The following WASHC2A variants were observed in gnomAD, a reference collection of about 807,000 sequenced individuals.
WASHC2A encodes WASH complex subunit 2A.
In WASHC2A, 82 loss-of-function variants were observed where a neutral mutation model predicts 140.3. The ratio of observed to expected loss-of-function variants is 0.58; its 90% confidence interval spans 0.49 to 0.70. The LOEUF is 0.70. Ranked by LOEUF, WASHC2A falls within the 30% of genes least tolerant of loss-of-function variation. The pLI is 0.00. For synonymous variants in WASHC2A, 340 were observed against 560.8 expected, an observed-to-expected ratio of 0.61 and a Z score of 5.56; for missense variants, 985 against 1,521.8, an observed-to-expected ratio of 0.65 and a Z score of 5.87.
Position 50,133,088 on chromosome 10 carries a change from T to TA in WASHC2A, c.*143_*144insA. 1 of 1,504,250 alleles carries TA rather than the reference T, an allele frequency of 6.6e-7. No homozygotes were observed. The highest frequency in any genetic ancestry group is 9.0e-7 in the Non-Finnish European group (1 of 1,107,982). 93.2% of individuals were successfully genotyped at this position (1,504,250 alleles called of 1,614,324 possible). ...TCGTTCACCCAATGTACTTGGTATT[T>TA]TTCTGCACTGGTTTAATCATGCTTA... On this transcript the variant is annotated 3_prime_UTR_variant, in exon 31 of 31. Transcript: ENST00000282633.
rs1589294240 is a variant in WASHC2A at position 50,130,800 on chromosome 10, C to T, written c.3709-101C>T. 6 of 1,567,502 alleles carry T rather than the reference C, an allele frequency of 3.8e-6. No individual in the cohort carries two copies. In the Middle Eastern group the frequency reaches 6.9e-4, roughly 181 times the overall value. ...AGTGGGCAGTCTCGAGGCTGTTCCA[C>T]ACACCCTGGCCAATTGTATTTCCAT... On this transcript the variant is annotated intron_variant, in intron 29 of 30. Coordinates refer to ENST00000282633, the MANE Select transcript of WASHC2A (RefSeq NM_001005751.3).
intron 3 of WASHC2A, among the ~76,000 whole-genome samples, chr10:50,077,347 T>G (rs1330077422): frequency 4.0e-5 from 6 of 151,708 alleles, no homozygotes; most frequent in South Asian, 2.1e-4. Context: ...ATATATGCAC[T>G]TGTTAGCTTA....
chr10:50,113,005 G>GA (rs1842409261), intron 20 of WASHC2A, among the ~76,000 whole-genome samples: 1 of 151,858 alleles, frequency 6.6e-6, no homozygotes, highest in Non-Finnish European at 1.5e-5. Context: ...GTATATTAAA[G>GA]AAAACATTGA....
At chr10:50,101,087 C>A (rs1215471360) in intron 17 of WASHC2A, among the ~76,000 whole-genome samples, 1 of 152,308 alleles carries the variant, frequency 6.6e-6, no homozygotes, top group Non-Finnish European at 1.5e-5. Flanking sequence ...AACATGGAAC[C>A]CTTTGGAAGT....
chr10:50,091,250 T>C (rs1839896758), intron 9 of WASHC2A, among the ~76,000 whole-genome samples, 181 bp from the exon 10 acceptor site: 1 of 151,096 alleles, frequency 6.6e-6, no homozygotes, highest in South Asian at 2.1e-4. Flanking sequence ...AGGAACATTT[T>C]ATGAGTCCTA....
intron 26 of WASHC2A, among the ~76,000 whole-genome samples, chr10:50,126,737 C>T (rs1172726155): frequency 5.9e-5 from 9 of 151,564 alleles, no homozygotes; most frequent in Non-Finnish European, 1.0e-4. Context: ...GGCACTTGGA[C>T]GAACACATCA....
At position 50,091,850 on chromosome 10, in the gene WASHC2A, C is replaced by T. The variant is rs1450194849; in HGVS notation, c.932-312C>T. 6.6e-5 allele frequency among the ~76,000 whole-genome samples: 10 copies of T among 152,204 alleles called. 1 individual carries two copies. In the South Asian group the frequency reaches 1.9e-3, roughly 28 times the overall value. On this transcript the variant is annotated intron_variant, in intron 10 of 30. Coordinates refer to ENST00000282633, the MANE Select transcript of WASHC2A (RefSeq NM_001005751.3). ...AATATTTACTCCTATATTTTGAACACGTAAGAATGTGCTATATAGCATATT... is the reference window on the plus strand; with the variant it reads ...AATATTTACTCCTATATTTTGAACATGTAAGAATGTGCTATATAGCATATT...
intron 16 of WASHC2A, among the ~76,000 whole-genome samples, chr10:50,098,949 T>A (rs1197931450): frequency 6.6e-6 from 1 of 151,046 alleles, no homozygotes; most frequent in Non-Finnish European, 1.5e-5. Flanking sequence ...CCCACCACAC[T>A]GCTTCATTGG....
At position 50,103,307 on chromosome 10, in the gene WASHC2A, C is replaced by A. The variant is rs1367291243; in HGVS notation, c.1636-735C>A. Among the ~76,000 whole-genome samples the A allele has an allele frequency of 3.3e-5, 5 of 151,324 alleles. No homozygotes were observed. In the East Asian group the frequency reaches 5.8e-4, roughly 18 times the overall value. On this transcript the variant is annotated intron_variant, in intron 17 of 30. Transcript: ENST00000282633. The stretch of plus-strand genomic sequence containing the variant: ...GGGTGTGGTGGCTCAAGCCTGTAAT[C>A]CCAGCACTTGTGGAAGCCGAGGCGG...
chr10:50,118,028 T>G lies in WASHC2A; in HGVS notation c.2265T>G (p.Phe755Leu). Residue 755 changes from phenylalanine (F) to leucine (L), a missense_variant, in exon 22 of 31, where the codon TTT becomes TTG. Phe to Leu is a conservative substitution (Grantham distance 22, BLOSUM62 0). Transcript: ENST00000282633. ...AGAGTGCCAAGGAGTCATTAAAATT[T>G]GGGAGAACTGATGTGGCTGAGTCAG... is the stretch of plus-strand genomic sequence containing the variant. The part of the protein sequence containing the change: ...KVESAKESLK[F>L]GRTDVAESEK... 1.9e-6 allele frequency: 3 copies of G among 1,607,506 alleles called. No homozygotes were observed. The highest frequency in any genetic ancestry group is 2.5e-6 in the Non-Finnish European group (3 of 1,177,286).
At chr10:50,082,940 G>A (rs1839043936) in intron 5 of WASHC2A, among the ~76,000 whole-genome samples, 1 of 117,908 alleles carries the variant, frequency 8.5e-6, no homozygotes, top group South Asian at 2.9e-4. Context: ...AAATTCAACA[G>A]TGTGGAACCA....
rs1368886603 is a variant in WASHC2A, at chr10:50,090,864, A to G, written c.821A>G (p.Asp274Gly). The G allele has an allele frequency of 1.1e-5, 17 of 1,611,464 alleles. No homozygotes were observed. The highest frequency in any genetic ancestry group is 1.4e-5 in the Non-Finnish European group (17 of 1,179,780). Reference protein sequence around the residue: ...DSEKEEEDIEDIEENTRPKRS... With the variant: ...DSEKEEEDIEGIEENTRPKRS... ...GAGAAGGAGGAGGAAGATATTGAGG[A>G]CATTGAAGAAAATACTAGACCTGTA... Residue 274 changes from aspartate (D) to glycine (G), a missense_variant, in exon 9 of 31, where the codon GAC becomes GGC. Coordinates refer to ENST00000282633, the MANE Select transcript of WASHC2A (RefSeq NM_001005751.3).
chr10:50,099,234 A>C (rs555399537), intron 16 of WASHC2A, among the ~76,000 whole-genome samples: 2 of 148,886 alleles, frequency 1.3e-5, no homozygotes, highest in Non-Finnish European at 3.0e-5. Flanking sequence ...TTCATTCTTC[A>C]GTGTAGATGA....
At chr10:50,082,888 C>G (rs1554880104) in intron 5 of WASHC2A, among the ~76,000 whole-genome samples, 2 of 121,300 alleles carry the variant, frequency 1.6e-5, no homozygotes, top group African/African-American at 6.8e-5. Context: ...TGCCCTCACT[C>G]TGTTTTCTCA....
intron 29 of WASHC2A, 137 bp downstream of exon 29, chr10:50,130,176 C>T: frequency 8.4e-7 from 1 of 1,195,022 alleles, no homozygotes; most frequent in Non-Finnish European, 1.2e-6. Flanking sequence ...TAATTAGGCT[C>T]TTTTATTAAT....
chr10:50,069,553 C>G lies in WASHC2A; in HGVS notation c.133C>G (p.Gln45Glu), dbSNP rs1554875436. Residue 45 changes from glutamine (Q) to glutamate (E), a missense_variant, in exon 3 of 31, where the codon CAG becomes GAG. By Grantham distance (29) the Gln-to-Glu change is conservative. Coordinates refer to ENST00000282633, the MANE Select transcript of WASHC2A (RefSeq NM_001005751.3). Reference sequence around the variant, plus strand: ...TGTTTATTTTTTAAAATAGCTACTACAGTTTCTACAGGAATTCTCACAGCA... The same window carrying G: ...TGTTTATTTTTTAAAATAGCTACTAGAGTTTCTACAGGAATTCTCACAGCA... ...WSLAADAGLL[Q>E]FLQEFSQQTI... The G allele has an allele frequency of 3.1e-6, 5 of 1,612,752 alleles. No homozygotes were observed. The Admixed American group carries it at 8.4e-5, about 27-fold the overall frequency.
At chr10:50,087,173 C>T in intron 7 of WASHC2A, 102 bp from the exon 8 acceptor site, 1 of 1,509,524 alleles carries the variant, frequency 6.6e-7, no homozygotes, top group Non-Finnish European at 9.2e-7. Context: ...TTTTTCTCCA[C>T]TTGACATAGA....
At chr10:50,121,475 C>A (rs1843014263) in intron 23 of WASHC2A, among the ~76,000 whole-genome samples, 2 of 149,310 alleles carry the variant, frequency 1.3e-5, no homozygotes, top group Non-Finnish European at 2.9e-5. Flanking sequence ...CTCACTGCAA[C>A]CTTTGCCTCC....
At chr10:50,126,323 T>TC (rs1341697814) in intron 26 of WASHC2A, 144 bp downstream of exon 26, 10 of 1,448,308 alleles carry the variant, frequency 6.9e-6, no homozygotes, top group Non-Finnish European at 8.5e-6. Context: ...TTCACTGCAC[T>TC]CCCCCCAAGT....
Sources: gnomAD v4.1 joint callset for allele counts (sites outside exome capture counted in the v4.1 genomes callset) on GRCh38, gnomAD v4.1.1 for gene constraint, MANE v1.5 for transcripts, NCBI Gene and HGNC (gene_info 2026-07-23, HGNC 2026-07-21) for gene names.